Variants in RPS6KA5 observed in about 807,000 individuals in gnomAD.
RPS6KA5 encodes ribosomal protein S6 kinase A5, also known as ribosomal protein S6 kinase alpha-5.
Under a neutral mutation model 85.5 loss-of-function variants are expected in RPS6KA5, and 27 were observed. The observed-to-expected ratio is 0.32, with a 90% confidence interval of 0.23 to 0.44. RPS6KA5 has a LOEUF of 0.44. RPS6KA5 is among the 20% of genes least tolerant of loss of function. The probability of loss-of-function intolerance (pLI) is 1.00; values close to 1 mark genes in which losing one functional copy is unlikely to be tolerated. For synonymous variants in RPS6KA5, 334 were observed against 348.2 expected, an observed-to-expected ratio of 0.96 and a Z score of 0.46; for missense variants, 811 against 980.9, an observed-to-expected ratio of 0.83 and a Z score of 2.31.
intron 1 of RPS6KA5, among the ~76,000 whole-genome samples, chr14:91,003,699 C>T (rs2040879185): frequency 6.6e-6 from 1 of 152,126 alleles, no homozygotes. Context: ...ATTGCTTTTC[C>T]ACCAATACTG....
At chr14:90,933,943 ACT>A (rs1474856980) in intron 5 of RPS6KA5, among the ~76,000 whole-genome samples, 1 of 151,478 alleles carries the variant, frequency 6.6e-6, no homozygotes, top group Non-Finnish European at 1.5e-5. Flanking sequence ...TACATGGCTG[ACT>A]CTCTCACTTC....
rs183134216 is a variant in RPS6KA5 at position 90,918,502 on chromosome 14, A to G, written c.806+1704T>C. On this transcript the variant is annotated intron_variant, in intron 7 of 16. Coordinates refer to ENST00000614987, the MANE Select transcript of RPS6KA5 (RefSeq NM_004755.4). ...CTTTTCATTCTCTTAACAGTTTTGA[A>G]GAGCAGAAATACTTAATTTTGATGA... is the stretch of plus-strand genomic sequence containing the variant. Among the ~76,000 whole-genome samples the G allele has an allele frequency of 3.3e-5, 5 of 152,304 alleles. No homozygotes were observed. The East Asian group carries it at 9.6e-4, about 29-fold the overall frequency.
intron 2 of RPS6KA5, among the ~76,000 whole-genome samples, chr14:90,986,171 GAA>G (rs35457116): frequency 0.21 from 31,583 of 152,050 alleles, 3,473 homozygotes; most frequent in East Asian, 0.32. Flanking sequence ...ATTCACAAGT[GAA>G]GTACTCTTAT....
intron 14 of RPS6KA5, among the ~76,000 whole-genome samples, chr14:90,882,601 T>A (rs1369864011): frequency 6.6e-6 from 1 of 152,144 alleles, no homozygotes; most frequent in Non-Finnish European, 1.5e-5. Flanking sequence ...TTCTTACGGA[T>A]CTAGAAATAT....
chr14:90,870,390 C>G lies in RPS6KA5; in HGVS notation c.*1684G>C, dbSNP rs894479937. 3.9e-5 allele frequency: 6 copies of G among 151,952 alleles called. No homozygotes were observed. The highest frequency in any genetic ancestry group is 7.4e-5 in the Non-Finnish European group (5 of 67,988). 9.4% of individuals were successfully genotyped at this position (151,952 alleles called of 1,614,324 possible). Reference sequence around the variant, plus strand: ...ACTCAATATTATGTAGCCATTTGGGCCAGCAAAAAGTGTAAAATATTATTC... The same window carrying G: ...ACTCAATATTATGTAGCCATTTGGGGCAGCAAAAAGTGTAAAATATTATTC... On this transcript the variant is annotated 3_prime_UTR_variant, in exon 17 of 17. Coordinates refer to ENST00000614987, the MANE Select transcript of RPS6KA5 (RefSeq NM_004755.4).
chr14:91,002,151 C>A (rs749599336), intron 1 of RPS6KA5, among the ~76,000 whole-genome samples: 3 of 152,130 alleles, frequency 2.0e-5, no homozygotes, highest in Admixed American at 6.5e-5. Context: ...TGACAAATTA[C>A]TTGTCTGTGT....
chr14:91,022,834 C>T (rs2041837896), intron 1 of RPS6KA5, among the ~76,000 whole-genome samples: 1 of 152,112 alleles, frequency 6.6e-6, no homozygotes, highest in Non-Finnish European at 1.5e-5. Context: ...CACATGTAAT[C>T]CCAGCACTTT....
chr14:90,881,028 TCTCA>T (rs2033802800), intron 14 of RPS6KA5, among the ~76,000 whole-genome samples: 2 of 151,858 alleles, frequency 1.3e-5, no homozygotes, highest in Non-Finnish European at 2.9e-5. Flanking sequence ...AGAAATGAGG[TCTCA>T]CTATGTTGTC....
intron 2 of RPS6KA5, among the ~76,000 whole-genome samples, chr14:90,994,085 G>A (rs1246336886): frequency 2.0e-5 from 3 of 152,006 alleles, no homozygotes; most frequent in African/African-American, 7.2e-5. Flanking sequence ...TAGAGGCAGG[G>A]TCTCACTATG....
At chr14:91,002,387 T>C (rs553425457) in intron 1 of RPS6KA5, among the ~76,000 whole-genome samples, 118 of 152,220 alleles carry the variant, frequency 7.8e-4, no homozygotes, top group African/African-American at 2.8e-3. Flanking sequence ...CTCTGTATAT[T>C]AGAAAATGGC....
At chr14:91,006,300 G>A (rs1167067471) in intron 1 of RPS6KA5, among the ~76,000 whole-genome samples, 5 of 152,108 alleles carry the variant, frequency 3.3e-5, no homozygotes, top group Admixed American at 3.3e-4. Flanking sequence ...AACATACATA[G>A]TAGTTAGCTA....
At chr14:91,029,009 G>GTT (rs2042086557) in intron 1 of RPS6KA5, among the ~76,000 whole-genome samples, 1 of 152,096 alleles carries the variant, frequency 6.6e-6, no homozygotes, top group South Asian at 2.1e-4. Flanking sequence ...ATTTATAGTA[G>GTT]TTATTATTTT....
At chr14:90,974,340 A>T (rs1483298677) in intron 3 of RPS6KA5, among the ~76,000 whole-genome samples, 1 of 152,240 alleles carries the variant, frequency 6.6e-6, no homozygotes, top group Non-Finnish European at 1.5e-5. Context: ...AAAAGATACT[A>T]TAAGGACACA....
chr14:90,892,155 T>C (rs1278673357), intron 13 of RPS6KA5, among the ~76,000 whole-genome samples: 1 of 152,034 alleles, frequency 6.6e-6, no homozygotes, highest in Non-Finnish European at 1.5e-5. Context: ...CCCGCCACCA[T>C]GCCTGGCTAA....
At chr14:90,926,034 T>C (rs1367021885) in intron 5 of RPS6KA5, among the ~76,000 whole-genome samples, 1 of 150,294 alleles carries the variant, frequency 6.7e-6, no homozygotes, top group Non-Finnish European at 1.5e-5. Context: ...AAAGGCAGAC[T>C]AAACGTATTA....
chr14:91,057,624 A>G (rs2043377922), intron 1 of RPS6KA5, among the ~76,000 whole-genome samples: 1 of 152,264 alleles, frequency 6.6e-6, no homozygotes, highest in Admixed American at 6.5e-5. Context: ...CTGGACATAT[A>G]CAGAAAAAGA....
At chr14:90,941,169 TAG>T (rs2037551427) in intron 5 of RPS6KA5, among the ~76,000 whole-genome samples, 1 of 152,178 alleles carries the variant, frequency 6.6e-6, no homozygotes, top group Non-Finnish European at 1.5e-5. Flanking sequence ...TATTTTAAAA[TAG>T]ATAGCATTAT....
chr14:90,946,823 T>A (rs2037895017), intron 4 of RPS6KA5, among the ~76,000 whole-genome samples: 1 of 152,254 alleles, frequency 6.6e-6, no homozygotes. Flanking sequence ...TTAATGGTTA[T>A]CTGCAATAAC....
At chr14:90,906,633 C>T (rs935064224) in intron 7 of RPS6KA5, among the ~76,000 whole-genome samples, 1 of 152,104 alleles carries the variant, frequency 6.6e-6, no homozygotes, top group Non-Finnish European at 1.5e-5. Context: ...AGACTAGACT[C>T]TATGATTAAA....
Sources: gnomAD v4.1 joint callset for allele counts (sites outside exome capture counted in the v4.1 genomes callset) on GRCh38, gnomAD v4.1.1 for gene constraint, MANE v1.5 for transcripts, NCBI Gene and HGNC (gene_info 2026-07-23, HGNC 2026-07-21) for gene names.